Variants in RPS6KC1 observed in about 807,000 individuals in gnomAD.
RPS6KC1 encodes ribosomal protein S6 kinase C1.
RPS6KC1 carries 54 observed loss-of-function variants against 103.8 expected under a neutral mutation model. That is an observed-to-expected ratio of 0.52 (90% CI 0.42 to 0.65). The LOEUF is 0.65. RPS6KC1 is among the 30% of genes least tolerant of loss of function. The pLI is 0.00. For missense variants in RPS6KC1, 1,151 were observed against 1,253.8 expected, an observed-to-expected ratio of 0.92 and a Z score of 1.24; for synonymous variants, 439 against 438.7, an observed-to-expected ratio of 1.00 and a Z score of -0.01.
chr1:213,837,844 A>C, the RPS6KC1 span, among the ~76,000 whole-genome samples: 1 of 152,246 alleles, frequency 6.6e-6, no homozygotes, highest in South Asian at 2.1e-4. Context: ...TGCCACTTAC[A>C]CTTGAGACAA....
At chr1:213,259,447 C>T (rs1335058679) in intron 12 of RPS6KC1, among the ~76,000 whole-genome samples, 3 of 152,118 alleles carry the variant, frequency 2.0e-5, no homozygotes, top group Admixed American at 1.3e-4. Flanking sequence ...CCTGTAGTCC[C>T]AGCTACTTGG....
At chr1:213,279,858 T>A in the RPS6KC1 span, among the ~76,000 whole-genome samples, 3 of 152,226 alleles carry the variant, frequency 2.0e-5, no homozygotes, top group Admixed American at 6.5e-5. Context: ...GAGAATTAGT[T>A]AGAAATGCAA....
At chr1:213,104,412 T>A in intron 3 of RPS6KC1, 42 bp from the exon 4 acceptor site, 1 of 1,289,518 alleles carries the variant, frequency 7.8e-7, no homozygotes, top group Non-Finnish European at 1.1e-6. Flanking sequence ...AACCAGTGTT[T>A]GATCATTCTT....
At chr1:213,299,379 C>T in the RPS6KC1 span, among the ~76,000 whole-genome samples, 1 of 152,204 alleles carries the variant, frequency 6.6e-6, no homozygotes, top group South Asian at 2.1e-4. Context: ...TGGTGAAACC[C>T]TGTCTTTACC....
At chr1:213,566,459 T>TGGA in the RPS6KC1 span, among the ~76,000 whole-genome samples, 1 of 33,614 alleles carries the variant, frequency 3.0e-5, no homozygotes, top group African/African-American at 1.6e-4. Flanking sequence ...TTTTTTTTTT[T>TGGA]TTTTTTTTTT....
chr1:213,698,706 T>C, the RPS6KC1 span, among the ~76,000 whole-genome samples: 2 of 152,114 alleles, frequency 1.3e-5, no homozygotes, highest in African/African-American at 2.4e-5. Flanking sequence ...CATTACATCT[T>C]TCAATATGTG....
the RPS6KC1 span, among the ~76,000 whole-genome samples, chr1:213,531,819 T>C: frequency 3.3e-5 from 5 of 152,262 alleles, no homozygotes; most frequent in African/African-American, 1.2e-4. Context: ...TGGGCACCTT[T>C]CCTTGAGTGG....
At chr1:213,359,317 TC>T in the RPS6KC1 span, among the ~76,000 whole-genome samples, 1 of 152,202 alleles carries the variant, frequency 6.6e-6, no homozygotes, top group South Asian at 2.1e-4. Context: ...GTAATGGCCT[TC>T]TTTGTCTCTT....
At chr1:213,759,916 T>A in the RPS6KC1 span, among the ~76,000 whole-genome samples, 1 of 152,216 alleles carries the variant, frequency 6.6e-6, no homozygotes, top group Non-Finnish European at 1.5e-5. Context: ...ATTCAGTGTT[T>A]TTCCATTCCA....
At chr1:213,650,605 G>C in the RPS6KC1 span, among the ~76,000 whole-genome samples, 1 of 152,144 alleles carries the variant, frequency 6.6e-6, no homozygotes, top group African/African-American at 2.4e-5. Context: ...ACCAGCTACA[G>C]ATGAACGGAA....
At chr1:213,089,204 C>T (rs2148642724) in intron 3 of RPS6KC1, among the ~76,000 whole-genome samples, 1 of 152,298 alleles carries the variant, frequency 6.6e-6, no homozygotes, top group Middle Eastern at 3.4e-3. Flanking sequence ...GATGGGTCTT[C>T]AATCCATTCT....
the RPS6KC1 span, among the ~76,000 whole-genome samples, chr1:213,767,477 G>A: frequency 4.0e-3 from 613 of 152,188 alleles, 3 homozygotes; most frequent in African/African-American, 0.011. Flanking sequence ...GCAAACCCAG[G>A]TCAAGGTCAG....
the RPS6KC1 span, among the ~76,000 whole-genome samples, chr1:213,705,051 C>T: frequency 4.6e-5 from 7 of 152,368 alleles, no homozygotes; most frequent in Non-Finnish European, 8.8e-5. Flanking sequence ...ACCACTGGGA[C>T]TGTGCTGGGT....
chr1:213,700,905 G>T, the RPS6KC1 span, among the ~76,000 whole-genome samples: 6 of 151,874 alleles, frequency 4.0e-5, no homozygotes, highest in Non-Finnish European at 7.4e-5. Flanking sequence ...TGTTGATTTT[G>T]TACACTTCAA....
intron 6 of RPS6KC1, among the ~76,000 whole-genome samples, chr1:213,165,354 A>G (rs1156653954): frequency 2.7e-5 from 4 of 149,322 alleles, no homozygotes; most frequent in East Asian, 2.0e-4. Flanking sequence ...CCTCAGCCTC[A>G]TGAGTAGCTG....
chr1:213,857,480 A>G, the RPS6KC1 span, among the ~76,000 whole-genome samples: 1 of 152,150 alleles, frequency 6.6e-6, no homozygotes, highest in African/African-American at 2.4e-5. Context: ...TCACACTGCA[A>G]CCAGACGGCA....
At chr1:213,470,734 C>T in the RPS6KC1 span, among the ~76,000 whole-genome samples, 2 of 151,320 alleles carry the variant, frequency 1.3e-5, no homozygotes, top group African/African-American at 2.4e-5. Flanking sequence ...AATCCGCCCA[C>T]CTCAGCCTCC....
the RPS6KC1 span, among the ~76,000 whole-genome samples, chr1:213,313,870 G>A: frequency 3.3e-5 from 5 of 152,108 alleles, no homozygotes; most frequent in Non-Finnish European, 5.9e-5. Flanking sequence ...GGAGAATGGC[G>A]TGAACCTGGG....
At chr1:213,500,292 C>T in the RPS6KC1 span, among the ~76,000 whole-genome samples, 5 of 152,136 alleles carry the variant, frequency 3.3e-5, no homozygotes, top group Non-Finnish European at 7.3e-5. Context: ...GTCAGGATCA[C>T]CAATATCACC....
Sources: allele counts gnomAD v4.1 joint callset (sites outside exome capture counted in the v4.1 genomes callset), GRCh38; gene constraint gnomAD v4.1.1; transcripts MANE v1.5; gene names NCBI Gene and HGNC (gene_info 2026-07-23, HGNC 2026-07-21).